Variants in ADAM17 observed in about 807,000 individuals in gnomAD.
The protein encoded by ADAM17 is ADAM metallopeptidase domain 17.
Under a neutral mutation model 96.7 loss-of-function variants are expected in ADAM17, and 39 were observed. That is an observed-to-expected ratio of 0.40 (90% CI 0.31 to 0.53). The LOEUF is 0.53. Among genes scored for constraint, ADAM17 ranks in the 20% least tolerant of loss-of-function variants. The pLI is 0.44. For missense variants in ADAM17, 777 were observed against 1,013.2 expected (o/e 0.77, Z 3.17); for synonymous variants, 344 against 359.2 (o/e 0.96, Z 0.48).
intron 1 of ADAM17, among the ~76,000 whole-genome samples, chr2:9,549,174 C>T (rs1665507240): frequency 6.6e-6 from 1 of 152,130 alleles, no homozygotes; most frequent in Admixed American, 6.5e-5. Flanking sequence ...AGTTCAAGAC[C>T]AGCCTGGCCA....
chr2:9,508,417 A>C lies in ADAM17; in HGVS notation c.1344+1562T>G, dbSNP rs142292620. 1.6e-4 allele frequency among the ~76,000 whole-genome samples: 24 copies of C among 152,302 alleles called. No individual in the cohort carries two copies. The East Asian group carries it at 4.6e-3, about 29-fold the overall frequency. On this transcript the variant is annotated intron_variant, in intron 11 of 18. Transcript: ENST00000310823. ...TGCTGTTTTTGTTTGTTGGCTTATT[A>C]ACAACTTTATTAAGACATATTTCAC...
intron 1 of ADAM17, among the ~76,000 whole-genome samples, chr2:9,550,439 CTTTTTTTT>C (rs35602755): frequency 2.7e-5 from 2 of 74,164 alleles, no homozygotes; most frequent in Admixed American, 1.6e-4. Flanking sequence ...GATACTCATT[CTTTTTTTT>C]TTTTTTTTTT....
chr2:9,493,747 C>G lies in ADAM17; in HGVS notation c.1993G>C (p.Gly665Arg). 9.3e-6 allele frequency: 15 copies of G among 1,613,136 alleles called. No individual in the cohort carries two copies. Among genetic ancestry groups the G allele is most frequent in the Non-Finnish European group, 1.3e-5 (15 of 1,179,296 alleles). The change falls in exon 16 of 19, where the codon GGA (glycine) becomes CGA (arginine). Residue 665 changes from glycine (G) to arginine (R), a missense_variant and splice_region_variant. Physicochemically the swap from Gly to Arg is moderately radical, Grantham distance 125. Around this residue, in one of 3 missense-constraint regions of ADAM17, gnomAD observed 197 missense variants for 219.4 expected, o/e 0.90. Coordinates refer to ENST00000310823, the MANE Select transcript of ADAM17 (RefSeq NM_003183.6). Reference protein sequence around the residue: ...FIDQLSINTFGKFLADNIVGS... With the variant: ...FIDQLSINTFRKFLADNIVGS... ...TAAGTAATCTGGGGAAATCACCTAC[C>G]AAAAGTATTGATGCTCAGCTGGTCA...
intron 5 of ADAM17, among the ~76,000 whole-genome samples, chr2:9,527,150 C>G (rs1450212765): frequency 1.3e-5 from 2 of 152,024 alleles, no homozygotes; most frequent in African/African-American, 4.8e-5. Flanking sequence ...TGGTGAAACC[C>G]CATCTCCACT....
intron 4 of ADAM17, among the ~76,000 whole-genome samples, chr2:9,529,105 G>C (rs1480136402): frequency 1.3e-5 from 2 of 152,188 alleles, no homozygotes; most frequent in African/African-American, 4.8e-5. Flanking sequence ...ATAAGATACA[G>C]ATACATGCTA....
chr2:9,533,970 T>C (rs1351615488), intron 4 of ADAM17, among the ~76,000 whole-genome samples: 1 of 152,208 alleles, frequency 6.6e-6, no homozygotes, highest in Non-Finnish European at 1.5e-5. Context: ...TTCATTTAAC[T>C]TCCCAGACTA....
At position 9,536,803 on chromosome 2, in the gene ADAM17, T is replaced by C. The variant is rs1664978675; in HGVS notation, c.256A>G (p.Ser86Gly). ...KRHFKLYLTS[S>G]TERFSQNFKV... ...AAATTTTGTGAAAAACGTTCAGTACTTGATGTCAGGTATAATTTAAAATGC... is the reference window on the plus strand; with the variant it reads ...AAATTTTGTGAAAAACGTTCAGTACCTGATGTCAGGTATAATTTAAAATGC... Residue 86 changes from serine to glycine, a missense_variant, in exon 3 of 19, where the codon AGT (serine) becomes GGT (glycine). This residue lies in a region of ADAM17 where 134 missense variants were observed against 129.1 expected (regional missense o/e 1.04). Transcript: ENST00000310823. The C allele has an allele frequency of 6.2e-7, 1 of 1,614,086 alleles. No individual in the cohort carries two copies.
intron 10 of ADAM17, among the ~76,000 whole-genome samples, chr2:9,512,064 A>G (rs1280489192): frequency 1.3e-5 from 2 of 152,094 alleles, no homozygotes; most frequent in Non-Finnish European, 2.9e-5. Context: ...AAATCACTCC[A>G]TAGAACCTGA....
At chr2:9,547,798 C>T (rs1665450998) in intron 1 of ADAM17, among the ~76,000 whole-genome samples, 1 of 152,136 alleles carries the variant, frequency 6.6e-6, no homozygotes, top group Non-Finnish European at 1.5e-5. Flanking sequence ...GCCTGTCATC[C>T]CAGCACCTTG....
intron 1 of ADAM17, among the ~76,000 whole-genome samples, chr2:9,544,912 A>G (rs1558526379): frequency 6.6e-6 from 1 of 152,160 alleles, no homozygotes; most frequent in African/African-American, 2.4e-5. Context: ...CCTTGCACAT[A>G]TCAGCACTCA....
chr2:9,516,590 C>T (rs913266961), intron 10 of ADAM17, among the ~76,000 whole-genome samples: 1 of 151,464 alleles, frequency 6.6e-6, no homozygotes, highest in African/African-American at 2.4e-5. Context: ...GTCTCTAAAA[C>T]AAAAATACAA....
Position 9,510,093 on chromosome 2 carries a change from A to G in ADAM17, c.1230T>C (p.Asn410=). The G allele has an allele frequency of 6.2e-7, 1 of 1,614,196 alleles. No homozygotes were observed. The highest frequency in any genetic ancestry group is 8.5e-7 in the Non-Finnish European group (1 of 1,180,020). The change falls in exon 11 of 19, where the codon AAT becomes AAC. Residue 410 remains asparagine, a synonymous_variant. Coordinates refer to ENST00000310823, the MANE Select transcript of ADAM17 (RefSeq NM_003183.6). Reference sequence around the variant, plus strand: ...CATCCGGATCATGTTCTGCTCCAAAATTATGTCCCAATTCATGAGTTGTAA... The same window carrying G: ...CATCCGGATCATGTTCTGCTCCAAAGTTATGTCCCAATTCATGAGTTGTAA... ...DLVTTHELGH[N]FGAEHDPDGL...
chr2:9,516,888 T>C (rs1664085957), intron 10 of ADAM17, among the ~76,000 whole-genome samples: 1 of 152,216 alleles, frequency 6.6e-6, no homozygotes, highest in African/African-American at 2.4e-5. Context: ...TCAGCTAAAA[T>C]AGCCAGCTTT....
At chr2:9,501,542 G>A (rs1293315803) in intron 13 of ADAM17, among the ~76,000 whole-genome samples, 1 of 152,200 alleles carries the variant, frequency 6.6e-6, no homozygotes, top group Non-Finnish European at 1.5e-5. Flanking sequence ...TTGGTGACTT[G>A]TAAGTAAAAC....
intron 13 of ADAM17, among the ~76,000 whole-genome samples, chr2:9,498,620 T>G (rs1368492025): frequency 6.6e-6 from 1 of 152,220 alleles, no homozygotes; most frequent in East Asian, 1.9e-4. Flanking sequence ...TGATGGTTTA[T>G]TAAGTACCCA....
intron 6 of ADAM17, among the ~76,000 whole-genome samples, chr2:9,524,354 G>A (rs555452698): frequency 1.9e-3 from 292 of 152,182 alleles, no homozygotes; most frequent in African/African-American, 6.7e-3. Flanking sequence ...ACTTAGCCAG[G>A]AAGGGTGAAC....
At chr2:9,546,483 A>T (rs557836242) in intron 1 of ADAM17, among the ~76,000 whole-genome samples, 4 of 152,324 alleles carry the variant, frequency 2.6e-5, no homozygotes, top group African/African-American at 9.6e-5. Flanking sequence ...CAGGTACTCA[A>T]TATTTCACTG....
intron 13 of ADAM17, among the ~76,000 whole-genome samples, chr2:9,498,533 C>T (rs1291658007): frequency 6.6e-6 from 1 of 152,172 alleles, no homozygotes; most frequent in Non-Finnish European, 1.5e-5. Flanking sequence ...TGAAGCCAAT[C>T]AAAAGAATTC....
rs1662421835 is a variant in ADAM17 at position 9,494,631 on chromosome 2, A to C, written c.1914+6T>G. ...GTTACAGAAAAAGCTGTACATAAAT[A>C]CTCACATTCATGTCACAAAATCCTA... On this transcript the variant is annotated splice_donor_region_variant and intron_variant, in intron 15 of 18. Coordinates refer to ENST00000310823, the MANE Select transcript of ADAM17 (RefSeq NM_003183.6). 2 of 1,613,388 alleles carry C rather than the reference A, an allele frequency of 1.2e-6. No individual in the cohort carries two copies. Among genetic ancestry groups the C allele is most frequent in the Non-Finnish European group, 1.7e-6 (2 of 1,179,696 alleles).
Sources: allele counts gnomAD v4.1 joint callset (sites outside exome capture counted in the v4.1 genomes callset), GRCh38; gene constraint gnomAD v4.1.1; regional missense constraint gnomAD v4.1.1; transcripts MANE v1.5; gene names NCBI Gene and HGNC (gene_info 2026-07-23, HGNC 2026-07-21).